NAA35: variants seen among roughly 807,000 people sequenced by gnomAD.
NAA35 encodes MAK10 homolog, amino-acid N-acetyltransferase subunit.
NAA35 carries 18 observed loss-of-function variants against 101.7 expected under a neutral mutation model. That is an observed-to-expected ratio of 0.18 (90% CI 0.12 to 0.26). The LOEUF (loss-of-function observed/expected upper bound fraction) is 0.26, where lower values mean the gene tolerates loss of function less well. Ranked by LOEUF, NAA35 falls within the 10% of genes least tolerant of loss-of-function variation. The pLI is 1.00. For synonymous variants in NAA35, 267 were observed against 273.1 expected (o/e 0.98, Z 0.22); for missense variants, 601 against 886.8 (o/e 0.68, Z 4.09).
chr9:86,013,020 G>A (rs757815603), intron 15 of NAA35, 26 bp from the exon 16 acceptor site: 1 of 1,431,314 alleles, frequency 7.0e-7, no homozygotes, highest in East Asian at 2.3e-5. Flanking sequence ...CATATTTACA[G>A]TTGACAAATT....
At chr9:85,986,465 C>T in intron 11 of NAA35, 2 of 469,950 alleles carry the variant, frequency 4.3e-6, no homozygotes, top group South Asian at 3.1e-5. Flanking sequence ...TGACTTCCTC[C>T]TTTTCAGGTC....
At chr9:86,012,117 C>CT (rs200710755) in intron 15 of NAA35, among the ~76,000 whole-genome samples, 5,857 of 141,166 alleles carry the variant, frequency 0.041, 458 homozygotes, top group East Asian at 0.36. Context: ...TAAACTTTCC[C>CT]TTTTTTTTTT....
chr9:85,978,372 A>G lies in NAA35; in HGVS notation c.868A>G (p.Thr290Ala), dbSNP rs939258797. The change falls in exon 11 of 23, where the codon ACA becomes GCA. Residue 290 changes from threonine (T) to alanine (A), a missense_variant. By Grantham distance (58) the Thr-to-Ala change is moderately conservative. Coordinates refer to ENST00000361671, the MANE Select transcript of NAA35 (RefSeq NM_024635.4). Reference sequence around the variant, plus strand: ...TGGCATCCAGGCCCAGAATGATACTACAAAAGGAGGTAATTGTTCAATTTG... The same window carrying G: ...TGGCATCCAGGCCCAGAATGATACTGCAAAAGGAGGTAATTGTTCAATTTG... ...HHGIQAQNDTTKGDHPIMMGF... is the reference protein window; with the variant it reads ...HHGIQAQNDTAKGDHPIMMGF... 2 of 1,594,366 alleles carry G rather than the reference A, an allele frequency of 1.3e-6. No individual in the cohort carries two copies. Among genetic ancestry groups the G allele is most frequent in the Non-Finnish European group, 8.6e-7 (1 of 1,162,242 alleles).
At chr9:85,971,401 C>T (rs1055151941) in intron 6 of NAA35, among the ~76,000 whole-genome samples, 1 of 152,098 alleles carries the variant, frequency 6.6e-6, no homozygotes, top group Non-Finnish European at 1.5e-5. Context: ...TTCTTTCTGC[C>T]TCACTGGTAA....
At chr9:85,975,725 A>T (rs1468824657) in intron 8 of NAA35, among the ~76,000 whole-genome samples, 1 of 152,118 alleles carries the variant, frequency 6.6e-6, no homozygotes, top group Non-Finnish European at 1.5e-5. Flanking sequence ...ACTTTTTGCC[A>T]GTGTTTTAGA....
chr9:85,941,216 T>C lies in NAA35; in HGVS notation c.-63T>C, dbSNP rs1828496280. 1.0e-6 allele frequency: 1 copy of C among 986,144 alleles called. No individual in the cohort carries two copies. The highest frequency in any genetic ancestry group is 4.6e-5 in the South Asian group (1 of 21,588). The allele number at this position is 986,144 out of a possible 1,614,324, so 61.1% of individuals were successfully genotyped here. A position where few individuals can be genotyped will look rare whatever the true frequency, so the allele number is the denominator to read the frequency against. ...GGGGGCGGCGGCGGCCGAGGCGGCG[T>C]CGTTATTTCCGTGGTCCGGACAGTG... is the stretch of plus-strand genomic sequence containing the variant. On this transcript the variant is annotated 5_prime_UTR_variant, in exon 1 of 23. Transcript: ENST00000361671.
At chr9:86,000,506 C>T (rs1223501985) in intron 12 of NAA35, among the ~76,000 whole-genome samples, 1 of 151,744 alleles carries the variant, frequency 6.6e-6, no homozygotes, top group East Asian at 1.9e-4. Flanking sequence ...TAGAATTCAC[C>T]TGTGAATCCA....
In NAA35 at chr9:86,007,519, A is replaced by G. The variant is rs191218068; in HGVS notation, c.1223+55A>G. On this transcript the variant is annotated intron_variant, in intron 14 of 22. Coordinates refer to ENST00000361671, the MANE Select transcript of NAA35 (RefSeq NM_024635.4). ...ATGTATGTGCTCCTTTAAAAGCCCA[A>G]CTTCTCTGTACTCCTTCTTTATAGC... The G allele has an allele frequency of 8.5e-4, 1,065 of 1,249,958 alleles. 7 individuals carry two copies. The highest frequency in any genetic ancestry group is 4.4e-3 in the African/African-American group (300 of 67,866). The allele number at this position is 1,249,958 out of a possible 1,614,324, so 77.4% of individuals were successfully genotyped here.
rs540274613 is a variant in NAA35 at position 86,017,505 on chromosome 9, A to C, written c.1713A>C (p.Pro571=). ...TTTTCTTTCTAATTACAGTTCGCCCATTGAGCCGAGAGATCACAATGAGCC... is the reference window on the plus strand; with the variant it reads ...TTTTCTTTCTAATTACAGTTCGCCCCTTGAGCCGAGAGATCACAATGAGCC... The part of the protein sequence containing the change: ...KKTKKKKKVR[P]LSREITMSQA... Residue 571 remains proline, a synonymous_variant, in exon 19 of 23, where the codon CCA becomes CCC. Coordinates refer to ENST00000361671, the MANE Select transcript of NAA35 (RefSeq NM_024635.4). The C allele has an allele frequency of 1.9e-6, 3 of 1,613,790 alleles. No homozygotes were observed. The South Asian group carries it at 3.3e-5, about 18-fold the overall frequency.
chr9:86,003,486 C>T, intron 12 of NAA35, 99 bp from the exon 13 acceptor site: 1 of 566,440 alleles, frequency 1.8e-6, no homozygotes, highest in Non-Finnish European at 3.1e-6. Flanking sequence ...GGTACTATGT[C>T]ATTTCCAGAA....
rs147072427 is a variant in NAA35 at position 85,961,765 on chromosome 9, A to G, written c.349-248A>G. Among the ~76,000 whole-genome samples the G allele has an allele frequency of 1.2e-4, 19 of 152,334 alleles. No homozygotes were observed. The East Asian group carries it at 3.7e-3, about 29-fold the overall frequency. The stretch of plus-strand genomic sequence containing the variant: ...GGAGTTGATTTCTTTTGGATGCTAC[A>G]TAAAGAGGCAGTCTTAATTTCATTA... On this transcript the variant is annotated intron_variant, in intron 5 of 22. Transcript: ENST00000361671.
At chr9:85,963,918 A>G (rs1278260310) in intron 6 of NAA35, among the ~76,000 whole-genome samples, 2 of 152,218 alleles carry the variant, frequency 1.3e-5, no homozygotes, top group Non-Finnish European at 2.9e-5. Context: ...TCAGGAGAAG[A>G]TAGTTCACAG....
intron 14 of NAA35, among the ~76,000 whole-genome samples, chr9:86,009,410 C>T (rs1338337058): frequency 2.0e-5 from 3 of 152,032 alleles, no homozygotes; most frequent in South Asian, 2.1e-4. Flanking sequence ...GAAGAGATGA[C>T]GTGCCAAAGG....
Position 86,018,356 on chromosome 9 carries a change from T to C in NAA35, c.1875T>C (p.Ser625=). The C allele has an allele frequency of 6.2e-7, 1 of 1,613,752 alleles. No homozygotes were observed. The highest frequency in any genetic ancestry group is 8.5e-7 in the Non-Finnish European group (1 of 1,179,698). The change falls in exon 20 of 23, where the codon AGT becomes AGC. Residue 625 remains serine, a synonymous_variant. Transcript: ENST00000361671. ...RYEHRFAPFN[S]VMTPPPVHYL... is the part of the protein sequence containing the mutation. ...AACACAGGTTTGCTCCATTCAACAG[T>C]GTGATGACCCCGCCGCCAGTGCACT... is the stretch of plus-strand genomic sequence containing the variant.
chr9:85,993,900 C>G (rs1309813016), intron 11 of NAA35, among the ~76,000 whole-genome samples: 1 of 152,144 alleles, frequency 6.6e-6, no homozygotes, highest in Non-Finnish European at 1.5e-5. Flanking sequence ...CCTCATCGTC[C>G]TGTACTCAAG....
intron 17 of NAA35, among the ~76,000 whole-genome samples, chr9:86,016,194 C>T (rs1322026179): frequency 2.0e-5 from 3 of 151,444 alleles, no homozygotes; most frequent in Middle Eastern, 3.4e-3. Flanking sequence ...TATATAATGC[C>T]GATAATTTTT....
chr9:85,950,253 C>G (rs990499617), intron 2 of NAA35, among the ~76,000 whole-genome samples: 2 of 151,836 alleles, frequency 1.3e-5, no homozygotes, highest in African/African-American at 2.4e-5. Flanking sequence ...TTCTGAAGTT[C>G]TTTTTTTTAG....
At chr9:86,011,355 T>A (rs976274821) in intron 15 of NAA35, among the ~76,000 whole-genome samples, 11 of 151,954 alleles carry the variant, frequency 7.2e-5, no homozygotes, top group South Asian at 2.1e-4. Context: ...TTTAATTTTT[T>A]AAAATATTTA....
chr9:85,942,950 C>G (rs1243994726), intron 2 of NAA35, among the ~76,000 whole-genome samples: 1 of 152,198 alleles, frequency 6.6e-6, no homozygotes, highest in Non-Finnish European at 1.5e-5. Flanking sequence ...TGCAATTCCA[C>G]CTCAGTTGAA....
Sources: gnomAD v4.1 joint callset for allele counts (sites outside exome capture counted in the v4.1 genomes callset) on GRCh38, gnomAD v4.1.1 for gene constraint, MANE v1.5 for transcripts, NCBI Gene and HGNC (gene_info 2026-07-23, HGNC 2026-07-21) for gene names.